ZNF385D: variants seen among roughly 807,000 people sequenced by gnomAD.
ZNF385D encodes the protein zinc finger protein 659.
Under a neutral mutation model 35.8 loss-of-function variants are expected in ZNF385D, and 15 were observed. The ratio of observed to expected loss-of-function variants is 0.42; its 90% CI spans 0.28 to 0.64. ZNF385D has a LOEUF of 0.64. Ranked by LOEUF, ZNF385D falls within the 30% of genes least tolerant of loss-of-function variation. ZNF385D has a pLI of 0.23. For missense variants in ZNF385D, 474 were observed against 494.6 expected (o/e 0.96, Z 0.39); for synonymous variants, 212 against 186.8 (o/e 1.13, Z -1.10).
intron 3 of ZNF385D, among the ~76,000 whole-genome samples, chr3:22,157,894 C>T (rs1321173237): frequency 6.6e-6 from 1 of 152,082 alleles, no homozygotes; most frequent in Admixed American, 6.6e-5. Context: ...ATTTTTGTAC[C>T]TGCACACAAA....
chr3:21,917,265 C>T (rs557920135), intron 3 of ZNF385D, among the ~76,000 whole-genome samples: 16 of 152,222 alleles, frequency 1.1e-4, no homozygotes, highest in Admixed American at 2.0e-4. Flanking sequence ...AACCTGGTCT[C>T]TGCTAAAAAT....
At chr3:22,047,330 A>G (rs1052276266) in intron 3 of ZNF385D, among the ~76,000 whole-genome samples, 5 of 152,098 alleles carry the variant, frequency 3.3e-5, no homozygotes, top group African/African-American at 1.2e-4. Flanking sequence ...GAAAGTGACC[A>G]TGATGTACAA....
At chr3:22,037,437 T>G (rs937276595) in intron 3 of ZNF385D, among the ~76,000 whole-genome samples, 1 of 152,056 alleles carries the variant, frequency 6.6e-6, no homozygotes, top group Non-Finnish European at 1.5e-5. Flanking sequence ...CATTGTGGTT[T>G]TGATTTGCAT....
At chr3:21,681,201 G>A (rs567911033) in intron 1 of ZNF385D, among the ~76,000 whole-genome samples, 2 of 144,322 alleles carry the variant, frequency 1.4e-5, no homozygotes, top group African/African-American at 2.5e-5. Context: ...CCCTGATAAC[G>A]TAGGAATATG....
intron 3 of ZNF385D, among the ~76,000 whole-genome samples, chr3:21,791,031 C>T (rs374335235): frequency 6.6e-6 from 1 of 152,188 alleles, no homozygotes; most frequent in Non-Finnish European, 1.5e-5. Flanking sequence ...GCAGGCATAG[C>T]GCCATTTCAG....
At chr3:22,047,071 C>A (rs1413431068) in intron 3 of ZNF385D, among the ~76,000 whole-genome samples, 2 of 152,048 alleles carry the variant, frequency 1.3e-5, no homozygotes, top group African/African-American at 4.8e-5. Context: ...TAACAGTTCA[C>A]CTGATTTCTC....
chr3:21,873,102 C>T (rs1424662293), intron 3 of ZNF385D, among the ~76,000 whole-genome samples: 3 of 152,038 alleles, frequency 2.0e-5, no homozygotes, highest in African/African-American at 4.8e-5. Flanking sequence ...ATTTTATAAA[C>T]TTTAAATATT....
chr3:21,623,307 C>T (rs1163055148), intron 2 of ZNF385D, among the ~76,000 whole-genome samples: 1 of 152,020 alleles, frequency 6.6e-6, no homozygotes, highest in Admixed American at 6.6e-5. Flanking sequence ...ATTTATGACA[C>T]TTTTATTACA....
chr3:21,705,744 T>C (rs1479763047), intron 1 of ZNF385D, among the ~76,000 whole-genome samples: 1 of 152,202 alleles, frequency 6.6e-6, no homozygotes, highest in Non-Finnish European at 1.5e-5. Flanking sequence ...ACCCCCAAAA[T>C]CCACTTGCTC....
chr3:22,027,181 C>G (rs1425427159), intron 3 of ZNF385D, among the ~76,000 whole-genome samples: 1 of 152,120 alleles, frequency 6.6e-6, no homozygotes, highest in Non-Finnish European at 1.5e-5. Flanking sequence ...TGCATTTGGC[C>G]CCTCCTACAA....
chr3:21,885,762 G>T (rs897159745), intron 3 of ZNF385D, among the ~76,000 whole-genome samples: 3 of 146,924 alleles, frequency 2.0e-5, no homozygotes, highest in Admixed American at 6.8e-5. Context: ...GTGTGTGTGT[G>T]TGTGTGTGTG....
intron 2 of ZNF385D, among the ~76,000 whole-genome samples, chr3:22,189,867 GTTCA>G (rs554873231): frequency 1.1e-3 from 170 of 152,196 alleles, no homozygotes; most frequent in African/African-American, 4.0e-3. Context: ...GTGTCCTGTT[GTTCA>G]TTAAGCACAA....
Position 21,861,566 on chromosome 3 carries a change from C to T in ZNF385D, c.326-196538G>A, listed in dbSNP as rs572285350. On this transcript the variant is annotated intron_variant, in intron 3 of 5. Transcript: ENST00000494108. ...CTGAAACTGTTGAACACTAAAATCA[C>T]TGAGTCACAGGCAGCATTGATTTTC... Among the ~76,000 whole-genome samples the T allele has an allele frequency of 1.6e-4, 25 of 152,204 alleles. No homozygotes were observed. The South Asian group carries it at 5.0e-3, about 30-fold the overall frequency.
At chr3:21,541,853 C>A (rs1348364332) in intron 3 of ZNF385D, among the ~76,000 whole-genome samples, 1 of 152,102 alleles carries the variant, frequency 6.6e-6, no homozygotes, top group African/African-American at 2.4e-5. Context: ...CCTACTAATA[C>A]TTTAAGAAGT....
At chr3:22,135,803 G>C (rs116420202) in intron 3 of ZNF385D, among the ~76,000 whole-genome samples, 1,601 of 152,286 alleles carry the variant, frequency 0.011, 22 homozygotes, top group African/African-American at 0.029. Flanking sequence ...TATAACAGAA[G>C]AGAGAGTCCA....
chr3:22,041,187 C>G (rs1173700557), intron 3 of ZNF385D, among the ~76,000 whole-genome samples: 1 of 152,024 alleles, frequency 6.6e-6, no homozygotes, highest in Non-Finnish European at 1.5e-5. Flanking sequence ...CTCTCTGGTT[C>G]AAGTCTAGTT....
intron 2 of ZNF385D, among the ~76,000 whole-genome samples, chr3:21,656,023 G>C (rs1251324461): frequency 6.6e-6 from 1 of 151,550 alleles, no homozygotes; most frequent in Non-Finnish European, 1.5e-5. Context: ...TACTTCCTTG[G>C]TTCATAAGAG....
At chr3:22,045,673 A>C (rs921903753) in intron 3 of ZNF385D, among the ~76,000 whole-genome samples, 6 of 152,102 alleles carry the variant, frequency 3.9e-5, no homozygotes, top group African/African-American at 1.4e-4. Flanking sequence ...AAATAATTTT[A>C]TGTCTAATAT....
intron 3 of ZNF385D, among the ~76,000 whole-genome samples, chr3:21,532,725 G>GT (rs1209975450): frequency 6.7e-6 from 1 of 149,444 alleles, no homozygotes; most frequent in Non-Finnish European, 1.5e-5. Flanking sequence ...ATTATATTCT[G>GT]TTTCATGTTT....
Sources: allele counts gnomAD v4.1 joint callset (sites outside exome capture counted in the v4.1 genomes callset), GRCh38; gene constraint gnomAD v4.1.1; transcripts MANE v1.5; gene names NCBI Gene and HGNC (gene_info 2026-07-23, HGNC 2026-07-21).